TCF20: variants seen among roughly 807,000 people sequenced by gnomAD.
The protein encoded by TCF20 is transcription factor 20.
Under a neutral mutation model 148.6 loss-of-function variants are expected in TCF20, and 3 were observed. The ratio of observed to expected loss-of-function variants is 0.02; its 90% CI spans 0.01 to 0.05. TCF20 has a LOEUF of 0.05. Ranked by LOEUF, TCF20 falls within the 10% of genes least tolerant of loss-of-function variation. TCF20 has a pLI of 1.00. For synonymous variants in TCF20, 1,049 were observed against 909.5 expected (o/e 1.15, Z -2.76); for missense variants, 2,350 against 2,429.3 (o/e 0.97, Z 0.69).
chr22:42,341,239 C>A (rs972714351), intron 1 of TCF20, among the ~76,000 whole-genome samples: 2 of 152,198 alleles, frequency 1.3e-5, no homozygotes, highest in African/African-American at 4.8e-5. Flanking sequence ...CGCCGTCACC[C>A]CGGGGGACAC....
rs909010727 is a variant in TCF20, at chr22:42,270,449, G to A, written c.-147C>T. On this transcript the variant is annotated 5_prime_UTR_variant, in exon 1 of 6. Transcript: ENST00000677622. Reference sequence around the variant, plus strand: ...GGGTGGGGGTGGGGGTGGCTCCGCCGCCTCCAGCTCGGGCGCCCGGGCCGG... The same window carrying A: ...GGGTGGGGGTGGGGGTGGCTCCGCCACCTCCAGCTCGGGCGCCCGGGCCGG... Among the ~76,000 whole-genome samples the A allele has an allele frequency of 2.1e-5, 3 of 144,170 alleles. No homozygotes were observed. Among genetic ancestry groups the A allele is most frequent in the Non-Finnish European group, 4.6e-5 (3 of 65,076 alleles). 94.6% of individuals were successfully genotyped at this position (144,170 alleles called of 152,430 possible). A position where few individuals can be genotyped will look rare whatever the true frequency, so the allele number is the denominator to read the frequency against.
In TCF20 at chr22:42,212,427, G is replaced by C; in HGVS notation, c.2879C>G (p.Ser960Cys). Residue 960 changes from serine (S) to cysteine (C), a missense_variant, in exon 2 of 6, where the codon TCT (serine) becomes TGT (cysteine). Physicochemically the swap from Ser to Cys is moderately radical, Grantham distance 112 (BLOSUM62 -1). Coordinates refer to ENST00000677622, the MANE Select transcript of TCF20 (RefSeq NM_001378418.1). ...HCHPPSIKHE[S>C]YRGNASPGAA... is the part of the protein sequence containing the mutation. ...TCCAGGGCTGGCATTGCCGCGGTAA[G>C]ACTCATGCTTGATGCTAGGAGGATG... 1 of 1,614,208 alleles carries C rather than the reference G, an allele frequency of 6.2e-7. No homozygotes were observed. The highest frequency in any genetic ancestry group is 8.5e-7 in the Non-Finnish European group (1 of 1,180,038).
chr22:42,195,789 C>T (rs1335939745), intron 2 of TCF20, among the ~76,000 whole-genome samples: 2 of 152,192 alleles, frequency 1.3e-5, no homozygotes, highest in African/African-American at 4.8e-5. Flanking sequence ...TGTGAGCCAC[C>T]ATGCCCAGCT....
At chr22:42,324,032 T>C (rs1196009362) in intron 1 of TCF20, among the ~76,000 whole-genome samples, 16 of 133,710 alleles carry the variant, frequency 1.2e-4, no homozygotes, top group South Asian at 2.5e-4. Context: ...GTGGTGGTGA[T>C]GGAGGTTATG....
chr22:42,267,171 G>C (rs2095939436), intron 1 of TCF20, among the ~76,000 whole-genome samples: 2 of 152,136 alleles, frequency 1.3e-5, no homozygotes, highest in South Asian at 4.1e-4. Flanking sequence ...GGAGGCTGAG[G>C]CAGGAGACTC....
At chr22:42,220,410 C>G (rs1022536661) in intron 1 of TCF20, among the ~76,000 whole-genome samples, 1 of 152,230 alleles carries the variant, frequency 6.6e-6, no homozygotes, top group African/African-American at 2.4e-5. Context: ...GCTGTCCAGG[C>G]TGGTCTCAAA....
chr22:42,209,608 T>C lies in TCF20; in HGVS notation c.5655+43A>G, dbSNP rs750132177. 7 of 1,539,620 alleles carry C rather than the reference T, an allele frequency of 4.5e-6. No individual in the cohort carries two copies. The East Asian group carries it at 1.6e-4, about 35-fold the overall frequency. On this transcript the variant is annotated intron_variant, in intron 2 of 5. Coordinates refer to ENST00000677622, the MANE Select transcript of TCF20 (RefSeq NM_001378418.1). ...AAAACATGCAAGAAAAGGAACCAAA[T>C]GAAATAAAAATCCCAAGCTGGTAAG...
At chr22:42,200,741 C>T (rs1937951456) in intron 2 of TCF20, among the ~76,000 whole-genome samples, 1 of 152,038 alleles carries the variant, frequency 6.6e-6, no homozygotes, top group African/African-American at 2.4e-5. Context: ...CATACTCGGT[C>T]CTTACCAGCT....
At chr22:42,201,021 T>A (rs899114400) in intron 2 of TCF20, among the ~76,000 whole-genome samples, 2 of 152,232 alleles carry the variant, frequency 1.3e-5, no homozygotes, top group African/African-American at 4.8e-5. Flanking sequence ...GGGAGGTGGC[T>A]GGATCATGTG....
At chr22:42,309,403 A>C (rs1013603074) in intron 1 of TCF20, among the ~76,000 whole-genome samples, 1 of 151,614 alleles carries the variant, frequency 6.6e-6, no homozygotes, top group Admixed American at 6.6e-5. Flanking sequence ...TGTCACCCAG[A>C]CCCCGCCAGG....
intron 1 of TCF20, among the ~76,000 whole-genome samples, chr22:42,261,435 C>T (rs1268362418): frequency 1.3e-5 from 2 of 152,188 alleles, no homozygotes; most frequent in Non-Finnish European, 2.9e-5. Flanking sequence ...TTTTATACTC[C>T]CATCAGCAGT....
rs528664836 is a variant in TCF20 at position 42,219,355 on chromosome 22, C to CAAAAA, written c.-36-4019_-36-4015dup. On this transcript the variant is annotated intron_variant, in intron 1 of 5. Coordinates refer to ENST00000677622, the MANE Select transcript of TCF20 (RefSeq NM_001378418.1). Reference sequence around the variant, plus strand: ...ACCCTGGGTGACAGTAACCCTGTCTCAAAAAAAAAAAAAAAAAAAAAAAAA... The same window carrying CAAAAA: ...ACCCTGGGTGACAGTAACCCTGTCTCAAAAAAAAAAAAAAAAAAAAAAAAAAAAAA... 1.5e-3 allele frequency among the ~76,000 whole-genome samples: 67 copies of CAAAAA among 43,560 alleles called. 5 individuals are homozygous for CAAAAA. Among genetic ancestry groups the CAAAAA allele is most frequent in the South Asian group, 5.1e-3 (5 of 978 alleles). 28.6% of individuals were successfully genotyped at this position (43,560 alleles called of 152,430 possible). A position where few individuals can be genotyped will look rare whatever the true frequency, so the allele number is the denominator to read the frequency against.
chr22:42,251,787 G>C (rs1469425734), intron 1 of TCF20, among the ~76,000 whole-genome samples: 1 of 151,624 alleles, frequency 6.6e-6, no homozygotes, highest in Non-Finnish European at 1.5e-5. Context: ...ACAGGAGTGA[G>C]CCACCGCACC....
chr22:42,211,164 G>T lies in TCF20; in HGVS notation c.4142C>A (p.Thr1381Lys). 1 of 1,614,148 alleles carries T rather than the reference G, an allele frequency of 6.2e-7. No individual in the cohort carries two copies. Residue 1381 changes from threonine (T) to lysine (K), a missense_variant, in exon 2 of 6, where the codon ACG (threonine) becomes AAG (lysine). Thr to Lys is a moderately conservative substitution (Grantham distance 78, BLOSUM62 -1). Around this residue, in one of 7 missense-constraint regions of TCF20, gnomAD observed 231 missense variants for 213.7 expected, o/e 1.08. Coordinates refer to ENST00000677622, the MANE Select transcript of TCF20 (RefSeq NM_001378418.1). Reference protein sequence around the residue: ...NSAEAGGDTVTLDDILSLKSG... With the variant: ...NSAEAGGDTVKLDDILSLKSG... The stretch of plus-strand genomic sequence containing the variant: ...CTTCAAAGACAGTATATCATCAAGC[G>T]TAACCGTGTCTCCCCCAGCCTCCGC...
intron 1 of TCF20, among the ~76,000 whole-genome samples, chr22:42,263,577 TA>T (rs1926133067): frequency 6.6e-6 from 1 of 152,190 alleles, no homozygotes; most frequent in African/African-American, 2.4e-5. Context: ...CTAAATGAAC[TA>T]AATCTGATCA....
At position 42,295,569 on chromosome 22, in the gene TCF20, G is replaced by A. The variant is rs887970819; in HGVS notation, c.-37+47910C>T. 2.0e-5 allele frequency among the ~76,000 whole-genome samples: 3 copies of A among 151,264 alleles called. No individual in the cohort carries two copies. In the South Asian group the frequency reaches 6.2e-4, roughly 31 times the overall value. ...AGCAATTCTCCTGCCTCAGCCTCCT[G>A]AGGAGCTGGGATTACAGGCAGGCAC... is the stretch of plus-strand genomic sequence containing the variant. On this transcript the variant is annotated intron_variant, in intron 1 of 1. Transcript: ENST00000515426.
chr22:42,268,148 T>TA (rs1218952086), intron 1 of TCF20, among the ~76,000 whole-genome samples: 4 of 143,064 alleles, frequency 2.8e-5, no homozygotes, highest in Admixed American at 2.7e-4. Flanking sequence ...TGTGTCAAAA[T>TA]AAATAAGTAA....
intron 1 of TCF20, among the ~76,000 whole-genome samples, chr22:42,262,037 TA>T (rs890588876): frequency 2.0e-5 from 3 of 151,552 alleles, no homozygotes; most frequent in Non-Finnish European, 4.4e-5. Flanking sequence ...TTCTGGGGCC[TA>T]AAAAAAAGTG....
At chr22:42,291,862 G>T (rs564828353) in intron 1 of TCF20, among the ~76,000 whole-genome samples, 1 of 151,902 alleles carries the variant, frequency 6.6e-6, no homozygotes, top group Non-Finnish European at 1.5e-5. Flanking sequence ...GCAAGCAGAA[G>T]GGCTAGCGTG....
Sources: allele counts gnomAD v4.1 joint callset (sites outside exome capture counted in the v4.1 genomes callset), GRCh38; gene constraint gnomAD v4.1.1; regional missense constraint gnomAD v4.1.1; transcripts MANE v1.5; gene names NCBI Gene and HGNC (gene_info 2026-07-23, HGNC 2026-07-21).